The following LRRFIP1 variants were observed in gnomAD, a reference collection of about 807,000 sequenced individuals.
LRRFIP1 encodes the protein leucine-rich repeat flightless-interacting protein 1.
Under a neutral mutation model 104.4 loss-of-function variants are expected in LRRFIP1, and 62 were observed. The observed-to-expected ratio is 0.59, with a 90% CI of 0.48 to 0.73. The LOEUF is 0.73. LRRFIP1 is among the 30% of genes least tolerant of loss of function. The pLI, the probability that LRRFIP1 is intolerant of heterozygous loss-of-function variation, is 0.00. For missense variants in LRRFIP1, 796 were observed against 824.5 expected (o/e 0.97, Z 0.42); for synonymous variants, 300 against 299.0 (o/e 1.00, Z -0.03).
At position 237,717,118 on chromosome 2, in the gene LRRFIP1, C is replaced by T. The variant is rs1167835039; in HGVS notation, c.202-644C>T. ...CCAAGGAAGCCAAAAGATTGGACAC[C>T]CCTGAGCTAATGTCACCTCCAGACA... On this transcript the variant is annotated intron_variant, in intron 3 of 23. Transcript: ENST00000308482. The surrounding 1 kb of genome is among the most constrained non-coding windows in gnomAD (Gnocchi z 4.2). Among the ~76,000 whole-genome samples the T allele has an allele frequency of 1.3e-5, 2 of 152,054 alleles. No homozygotes were observed. The highest frequency in any genetic ancestry group is 2.9e-5 in the Non-Finnish European group (2 of 68,018).
chr2:237,757,794 C>T (rs570048580), intron 17 of LRRFIP1, among the ~76,000 whole-genome samples: 13 of 152,204 alleles, frequency 8.5e-5, no homozygotes, highest in Non-Finnish European at 1.9e-4. Context: ...TAGCTGTGCG[C>T]TCTGCCTGCC....
At chr2:237,729,479 G>C in intron 8 of LRRFIP1, among the ~76,000 whole-genome samples, 1 of 149,252 alleles carries the variant, frequency 6.7e-6, no homozygotes. Context: ...AACGCAGTGT[G>C]AAACTCAGTA....
intron 3 of LRRFIP1, 33 bp downstream of exon 3, chr2:237,714,309 A>G (rs779829210): frequency 1.3e-6 from 2 of 1,578,298 alleles, no homozygotes; most frequent in Admixed American, 1.7e-5. Context: ...TCTAACTTGC[A>G]TGTACTGTTT....
chr2:237,749,536 C>T (rs958217852), intron 13 of LRRFIP1, among the ~76,000 whole-genome samples: 1 of 152,172 alleles, frequency 6.6e-6, no homozygotes, highest in Non-Finnish European at 1.5e-5. Flanking sequence ...ACTGACCCCC[C>T]AGCAGGGCGG....
At chr2:237,690,925 C>T (rs2092714123) in intron 1 of LRRFIP1, among the ~76,000 whole-genome samples, 1 of 151,788 alleles carries the variant, frequency 6.6e-6, no homozygotes, top group Non-Finnish European at 1.5e-5. Flanking sequence ...TCTTCCCCAG[C>T]GGTTCTCTAG....
At chr2:237,778,196 C>G (rs966496428) in intron 23 of LRRFIP1, among the ~76,000 whole-genome samples, 26 of 152,144 alleles carry the variant, frequency 1.7e-4, no homozygotes, top group African/African-American at 6.3e-4. Context: ...AGGAATAACT[C>G]CAGGCTTAAC....
rs986468603 is a variant in LRRFIP1, at chr2:237,766,734, AAAAG to A, written c.1460-3203_1460-3200del. Among the ~76,000 whole-genome samples the A allele has an allele frequency of 1.3e-5, 2 of 152,240 alleles. No individual in the cohort carries two copies. Among genetic ancestry groups the A allele is most frequent in the Non-Finnish European group, 2.9e-5 (2 of 68,044 alleles). On this transcript the variant is annotated intron_variant, in intron 19 of 23. Coordinates refer to ENST00000308482, the MANE Select transcript of LRRFIP1 (RefSeq NM_001137550.2). The surrounding 1 kb of genome is among the most constrained non-coding windows in gnomAD (Gnocchi z 4.8). ...AAAATCCATGAGCAAGAAAGAAGGA[AAAAG>A]AAAGAGTTCTGAGCAGCCAAACCAT... is the stretch of plus-strand genomic sequence containing the variant.
At position 237,714,188 on chromosome 2, in the gene LRRFIP1, C is replaced by T. The variant is rs1463518809; in HGVS notation, c.184-71C>T. The T allele has an allele frequency of 5.6e-6, 6 of 1,072,850 alleles. No homozygotes were observed. The East Asian group carries it at 1.2e-4, about 21-fold the overall frequency. 66.5% of individuals were successfully genotyped at this position (1,072,850 alleles called of 1,614,324 possible). On this transcript the variant is annotated intron_variant, in intron 2 of 23. Coordinates refer to ENST00000308482, the MANE Select transcript of LRRFIP1 (RefSeq NM_001137550.2). ...TTCATATGTCTAGTTACTTACAGAA[C>T]CTTTCATTCTGATGTTACTGCTTCT...
At chr2:237,746,488 T>C (rs993628880) in intron 11 of LRRFIP1, among the ~76,000 whole-genome samples, 15 of 152,192 alleles carry the variant, frequency 9.9e-5, no homozygotes, top group African/African-American at 3.4e-4. Context: ...CTCTGCCAAA[T>C]GAGATGGTGC....
In LRRFIP1 at chr2:237,638,430, C is replaced by A. The variant is rs560159378; in HGVS notation, c.96+10690C>A. Among the ~76,000 whole-genome samples the A allele has an allele frequency of 4.6e-5, 7 of 152,350 alleles. 1 individual carries two copies. In the South Asian group the frequency reaches 6.2e-4, roughly 14 times the overall value. Reference sequence around the variant, plus strand: ...GATGAAGCTTCGCTCACTCACCCGCCTGCCGCTCACCTCCTGCTGTGTGTC... The same window carrying A: ...GATGAAGCTTCGCTCACTCACCCGCATGCCGCTCACCTCCTGCTGTGTGTC... On this transcript the variant is annotated intron_variant, in intron 1 of 23. Coordinates refer to ENST00000308482, the MANE Select transcript of LRRFIP1 (RefSeq NM_001137550.2).
intron 1 of LRRFIP1, among the ~76,000 whole-genome samples, chr2:237,678,359 G>A (rs1375601142): frequency 6.6e-6 from 1 of 152,182 alleles, no homozygotes; most frequent in Admixed American, 6.5e-5. Flanking sequence ...ACAGCAGGCT[G>A]TGCAGAGTAG....
chr2:237,728,616 G>A (rs530670833), intron 8 of LRRFIP1, among the ~76,000 whole-genome samples: 9 of 152,238 alleles, frequency 5.9e-5, no homozygotes, highest in African/African-American at 2.2e-4. Flanking sequence ...TTTCCATTAA[G>A]CTTCACGATA....
Position 237,634,826 on chromosome 2 carries a change from A to G in LRRFIP1, c.96+7086A>G, listed in dbSNP as rs146889152. On this transcript the variant is annotated intron_variant, in intron 1 of 23. Coordinates refer to ENST00000308482, the MANE Select transcript of LRRFIP1 (RefSeq NM_001137550.2). ...TCTATCTATATATCTACATATCTCC[A>G]TAAAGTTTTCAATAGAACCCATCAA... 1.6e-3 allele frequency among the ~76,000 whole-genome samples: 242 copies of G among 152,328 alleles called. 1 individual carries two copies. The highest frequency in any genetic ancestry group is 5.6e-3 in the African/African-American group (233 of 41,572).
At position 237,708,508 on chromosome 2, in the gene LRRFIP1, G is replaced by C. The variant is rs201957728; in HGVS notation, c.97-36G>C. ...ACCCTGTACTGGGAAGGTGCCCGCT[G>C]CTCTGTCCTCTAATAAGATGCCCTG... On this transcript the variant is annotated intron_variant, in intron 1 of 23. Coordinates refer to ENST00000308482, the MANE Select transcript of LRRFIP1 (RefSeq NM_001137550.2). The C allele has an allele frequency of 6.1e-4, 927 of 1,510,816 alleles. 1 individual carries two copies. Among genetic ancestry groups the C allele is most frequent in the Middle Eastern group, 1.1e-3 (5 of 4,484 alleles). The allele number at this position is 1,510,816 out of a possible 1,614,324, so 93.6% of individuals were successfully genotyped here. A position where few individuals can be genotyped will look rare whatever the true frequency, so the allele number is the denominator to read the frequency against.
At chr2:237,686,859 C>A (rs2092406011) in intron 1 of LRRFIP1, among the ~76,000 whole-genome samples, 2 of 152,236 alleles carry the variant, frequency 1.3e-5, no homozygotes, top group Admixed American at 1.3e-4. Context: ...GGGTCTGGAT[C>A]CCCTGCTTGA....
chr2:237,720,002 C>G (rs1250088512), intron 5 of LRRFIP1, among the ~76,000 whole-genome samples: 2 of 135,422 alleles, frequency 1.5e-5, no homozygotes, highest in Admixed American at 1.7e-4. Flanking sequence ...GGCTAGAATG[C>G]AGTGGTGCGG....
Position 237,717,686 on chromosome 2 carries a change from C to T in LRRFIP1, c.202-76C>T. ...TGGATGGCGGTTTGGAAATGCATGT[C>T]AGAACAGTGCCTTAGACAACTGCCT... On this transcript the variant is annotated intron_variant, in intron 3 of 23. Transcript: ENST00000308482. This position sits in a 1 kb window ranked among gnomAD's most constrained non-coding sequence, Gnocchi z 4.2. The T allele has an allele frequency of 4.4e-6, 5 of 1,124,800 alleles. No homozygotes were observed. The highest frequency in any genetic ancestry group is 6.8e-6 in the Non-Finnish European group (5 of 733,504). The allele number at this position is 1,124,800 out of a possible 1,614,324, so 69.7% of individuals were successfully genotyped here.
intron 8 of LRRFIP1, among the ~76,000 whole-genome samples, chr2:237,731,732 A>G (rs2095021725): frequency 6.6e-6 from 1 of 152,186 alleles, no homozygotes; most frequent in African/African-American, 2.4e-5. Context: ...TGAACGATTC[A>G]CCCAAGTTCA....
intron 1 of LRRFIP1, among the ~76,000 whole-genome samples, chr2:237,700,317 A>G (rs2093444367): frequency 6.6e-6 from 1 of 152,154 alleles, no homozygotes; most frequent in African/African-American, 2.4e-5. Flanking sequence ...GAATCGCACA[A>G]GGACCGAGGC....
Sources: gnomAD v4.1 joint callset for allele counts (sites outside exome capture counted in the v4.1 genomes callset) on GRCh38, gnomAD v4.1.1 for gene constraint, Gnocchi (gnomAD v3.1) non-coding constraint, MANE v1.5 for transcripts, NCBI Gene and HGNC (gene_info 2026-07-23, HGNC 2026-07-21) for gene names.